Variants in GIPR observed in about 807,000 individuals in gnomAD.
GIPR encodes gastric inhibitory polypeptide receptor.
In GIPR, 74 loss-of-function variants were observed where a neutral mutation model predicts 62.2. That is an observed-to-expected ratio of 1.19 (90% CI 0.99 to 1.44). The LOEUF (loss-of-function observed/expected upper bound fraction) is 1.44. Among genes scored for constraint, GIPR ranks in the 40% most tolerant of loss-of-function variants. The pLI is 0.00. For synonymous variants in GIPR, 256 were observed against 262.2 expected (o/e 0.98, Z 0.23); for missense variants, 664 against 611.8 (o/e 1.09, Z -0.90).
Position 45,671,374 on chromosome 19 carries a change from C to A in GIPR, c.262C>A (p.Leu88Met). The A allele has an allele frequency of 6.2e-7, 1 of 1,608,436 alleles. No homozygotes were observed. Among genetic ancestry groups the A allele is most frequent in the Non-Finnish European group, 8.5e-7 (1 of 1,177,112 alleles). Residue 88 changes from leucine (L) to methionine (M), a missense_variant, in exon 4 of 14, where the codon CTG (leucine) becomes ATG (methionine). Transcript: ENST00000590918. ...TGCCCGTGCGTCCTGCCCCTGGTACCTGCCCTGGCACCACCATGGTGAGGT... is the reference window on the plus strand; with the variant it reads ...TGCCCGTGCGTCCTGCCCCTGGTACATGCCCTGGCACCACCATGGTGAGGT... ...ATARASCPWY[L>M]PWHHHVAAGF... is the part of the protein sequence containing the mutation.
intron 5 of GIPR, among the ~76,000 whole-genome samples, chr19:45,673,158 G>A (rs991971756): frequency 1.3e-5 from 2 of 152,156 alleles, no homozygotes; most frequent in South Asian, 2.1e-4. Context: ...TGTGGCTCAC[G>A]CCTGTAATCC....
chr19:45,674,995 G>A (rs1454663119), intron 7 of GIPR, 169 bp downstream of exon 7: 4 of 620,646 alleles, frequency 6.4e-6, no homozygotes, highest in South Asian at 3.4e-5. Flanking sequence ...TTTGGAGAGG[G>A]AACCTCCCAA....
At position 45,677,387 on chromosome 19, in the gene GIPR, A is replaced by C; in HGVS notation, c.854+4A>C. The C allele has an allele frequency of 9.9e-7, 1 of 1,007,026 alleles. No individual in the cohort carries two copies. 62.4% of individuals were successfully genotyped at this position (1,007,026 alleles called of 1,614,324 possible). A position where few individuals can be genotyped will look rare whatever the true frequency, so the allele number is the denominator to read the frequency against. ...GGTACCTGTACGAGAACACGCAGTG[A>C]GTTGCAGGGTCTGGGGCGGGGCGTG... On this transcript the variant is annotated splice_donor_region_variant and intron_variant, in intron 9 of 13. Transcript: ENST00000590918.
rs1026005777 is a variant in GIPR, at chr19:45,673,047, G to A, written c.384+93G>A. On this transcript the variant is annotated intron_variant, in intron 5 of 13. Coordinates refer to ENST00000590918, the MANE Select transcript of GIPR (RefSeq NM_000164.4). ...GGCCTGAAACCCCTTGGACTGTTCAGACCTCTGGGTTGTAAGTGAGAGAAA... is the reference window on the plus strand; with the variant it reads ...GGCCTGAAACCCCTTGGACTGTTCAAACCTCTGGGTTGTAAGTGAGAGAAA... 4 of 785,938 alleles carry A rather than the reference G, an allele frequency of 5.1e-6. No homozygotes were observed. In the African/African-American group the frequency reaches 5.1e-5, roughly 10 times the overall value. 48.7% of individuals were successfully genotyped at this position (785,938 alleles called of 1,614,324 possible). A position where few individuals can be genotyped will look rare whatever the true frequency, so the allele number is the denominator to read the frequency against.
rs1283579295 is a variant in GIPR at position 45,669,588 on chromosome 19, C to T, written c.68C>T (p.Ala23Val). Residue 23 changes from alanine (A) to valine (V), a missense_variant, in exon 2 of 14, where the codon GCG becomes GTG. Physicochemically the swap from Ala to Val is moderately conservative, Grantham distance 64. Transcript: ENST00000590918. The part of the protein sequence containing the change: ...LSLCGLLLQR[A>V]ETGSKGQTAG... Reference sequence around the variant, plus strand: ...CTGTGCGGGCTGCTGCTCCAGAGGGCGGAGGTGAGGAAGCGAGGAGCCAGA... The same window carrying T: ...CTGTGCGGGCTGCTGCTCCAGAGGGTGGAGGTGAGGAAGCGAGGAGCCAGA... 2 of 1,578,750 alleles carry T rather than the reference C, an allele frequency of 1.3e-6. No individual in the cohort carries two copies. The highest frequency in any genetic ancestry group is 1.7e-6 in the Non-Finnish European group (2 of 1,165,762).
Position 45,669,514 on chromosome 19 carries a change from C to A in GIPR, c.-7C>A. 6.4e-7 allele frequency: 1 copy of A among 1,571,558 alleles called. No homozygotes were observed. The highest frequency in any genetic ancestry group is 2.3e-5 in the East Asian group (1 of 43,352). On this transcript the variant is annotated 5_prime_UTR_variant, in exon 2 of 14. Coordinates refer to ENST00000590918, the MANE Select transcript of GIPR (RefSeq NM_000164.4). ...CTGCACGAACCAGACCCTTCGCCGC[C>A]CTCACGATGACTACCTCTCCGATCC...
chr19:45,669,839 C>T (rs1165511381), intron 2 of GIPR, among the ~76,000 whole-genome samples: 2 of 151,294 alleles, frequency 1.3e-5, no homozygotes, highest in African/African-American at 4.9e-5. Context: ...ATCCCAGCTA[C>T]TCGGAAGGCT....
intron 12 of GIPR, among the ~76,000 whole-genome samples, chr19:45,680,144 TGGAGGCCAA>T (rs1967150236): frequency 1.3e-5 from 2 of 152,136 alleles, no homozygotes; most frequent in Non-Finnish European, 2.9e-5. Flanking sequence ...CTCAGCACTT[TGGAGGCCAA>T]GGAGGCCAGT....
In GIPR at chr19:45,682,046, G is replaced by C; in HGVS notation, c.*111G>C. The stretch of plus-strand genomic sequence containing the variant: ...AAATGGTGAAGGAAACAGAAAAAAG[G>C]TCCCTGCCCTTCTGGAGATGACAAC... On this transcript the variant is annotated 3_prime_UTR_variant, in exon 14 of 14. Transcript: ENST00000590918. The C allele has an allele frequency of 2.1e-6, 2 of 930,374 alleles. No homozygotes were observed. Among genetic ancestry groups the C allele is most frequent in the Non-Finnish European group, 1.7e-6 (1 of 591,568 alleles). The allele number at this position is 930,374 out of a possible 1,614,324, so 57.6% of individuals were successfully genotyped here. A position where few individuals can be genotyped will look rare whatever the true frequency, so the allele number is the denominator to read the frequency against.
chr19:45,674,979 G>C, intron 7 of GIPR, 153 bp downstream of exon 7: 4 of 694,426 alleles, frequency 5.8e-6, no homozygotes, highest in Non-Finnish European at 7.6e-6. Flanking sequence ...GGGGGATCAA[G>C]ACACATTTGG....
intron 2 of GIPR, 72 bp downstream of exon 2, chr19:45,669,664 G>C: frequency 1.3e-6 from 2 of 1,525,754 alleles, no homozygotes; most frequent in Non-Finnish European, 1.8e-6. Context: ...GGCTTCCGTC[G>C]TCAGGGCGCT....
Position 45,681,965 on chromosome 19 carries a change from G to C in GIPR, c.*30G>C, listed in dbSNP as rs767170765. ...CGGGATCCCCGTGTCTGTTCAGTTAGCATGGATTTATTGAGTGCCAACTGC... is the reference window on the plus strand; with the variant it reads ...CGGGATCCCCGTGTCTGTTCAGTTACCATGGATTTATTGAGTGCCAACTGC... On this transcript the variant is annotated 3_prime_UTR_variant, in exon 14 of 14. Coordinates refer to ENST00000590918, the MANE Select transcript of GIPR (RefSeq NM_000164.4). 6.5e-7 allele frequency: 1 copy of C among 1,532,804 alleles called. No homozygotes were observed. Among genetic ancestry groups the C allele is most frequent in the South Asian group, 1.2e-5 (1 of 83,576 alleles). The allele number at this position is 1,532,804 out of a possible 1,614,324, so 95.0% of individuals were successfully genotyped here.
Position 45,671,304 on chromosome 19 carries a change from CT to C in GIPR, c.194del (p.Phe65SerfsTer90), listed in dbSNP as rs773119896. On this transcript the variant is annotated frameshift_variant, in exon 4 of 14. Coordinates refer to ENST00000590918, the MANE Select transcript of GIPR (RefSeq NM_000164.4). LOFTEE classifies it high-confidence loss of function. ...PPSGLACNGS[F>X]DMYVCWDYAA... is the part of the protein sequence containing the mutation. ...CCCCAGGCCTCGCCTGTAACGGGTCCTTCGATATGTACGTCTGCTGGGACTA... is the reference window on the plus strand; with the variant it reads ...CCCCAGGCCTCGCCTGTAACGGGTCCTCGATATGTACGTCTGCTGGGACTA... The C allele has an allele frequency of 6.2e-7, 1 of 1,612,198 alleles. No homozygotes were observed. The highest frequency in any genetic ancestry group is 8.5e-7 in the Non-Finnish European group (1 of 1,179,296).
Position 45,677,001 on chromosome 19 carries a change from C to T in GIPR, c.686C>T (p.Ala229Val), listed in dbSNP as rs755265643. The change falls in exon 8 of 14, where the codon GCC (alanine) becomes GTC (valine). Residue 229 changes from alanine (A) to valine (V), a missense_variant. Transcript: ENST00000590918. The stretch of plus-strand genomic sequence containing the variant: ...ATCGTGACCCAGTACTGCGTGGGTG[C>T]CAACTACACGTGGCTGCTGGTGGAG... The part of the protein sequence containing the change: ...AQIVTQYCVG[A>V]NYTWLLVEGV... The T allele has an allele frequency of 1.2e-6, 2 of 1,613,970 alleles. No homozygotes were observed. The highest frequency in any genetic ancestry group is 1.7e-6 in the Non-Finnish European group (2 of 1,179,878).
chr19:45,680,298 G>C (rs1967161042), intron 12 of GIPR, among the ~76,000 whole-genome samples: 1 of 151,834 alleles, frequency 6.6e-6, no homozygotes, highest in African/African-American at 2.4e-5. Context: ...GGAGGCAGAG[G>C]TTGCACTGAG....
In GIPR at chr19:45,676,978, C is replaced by A. The variant is rs534452890; in HGVS notation, c.663C>A (p.Ile221=). The change falls in exon 8 of 14, where the codon ATC becomes ATA. Residue 221 remains isoleucine (I), a synonymous_variant. Coordinates refer to ENST00000590918, the MANE Select transcript of GIPR (RefSeq NM_000164.4). The part of the protein sequence containing the change: ...QALAACRTAQ[I]VTQYCVGANY... ...TCGCTGCCTGCCGCACGGCCCAGAT[C>A]GTGACCCAGTACTGCGTGGGTGCCA... The A allele has an allele frequency of 8.7e-6, 14 of 1,614,108 alleles. 1 individual carries two copies. The South Asian group carries it at 1.4e-4, about 16-fold the overall frequency.
At chr19:45,677,276 G>T (rs1479953006) in intron 8 of GIPR, 47 bp from the exon 9 acceptor site, 1 of 1,421,166 alleles carries the variant, frequency 7.0e-7, no homozygotes, top group South Asian at 1.2e-5. Context: ...CCGTGAGCGC[G>T]CTGACAGCTG....
In GIPR at chr19:45,677,323, G is replaced by C; in HGVS notation, c.794G>C (p.Gly265Ala). ...GGGGGCGGGGTCGGGGTCTGCACAGGGGCCCCCGCGCTTTTCGTCATTCCC... is the reference window on the plus strand; with the variant it reads ...GGGGGCGGGGTCGGGGTCTGCACAGCGGCCCCCGCGCTTTTCGTCATTCCC... ...HFRYYLLLGW[G>A]APALFVIPWV... The change falls in exon 9 of 14, where the codon GGG becomes GCG. Residue 265 changes from glycine to alanine, a missense_variant and splice_region_variant. By Grantham distance (60) the Gly-to-Ala change is moderately conservative. Transcript: ENST00000590918. The C allele has an allele frequency of 1.3e-6, 2 of 1,581,482 alleles. No individual in the cohort carries two copies. Among genetic ancestry groups the C allele is most frequent in the East Asian group, 2.3e-5 (1 of 44,188 alleles).
intron 4 of GIPR, 171 bp from the exon 5 acceptor site, chr19:45,672,680 A>T: frequency 1.6e-6 from 1 of 636,906 alleles, no homozygotes; most frequent in Non-Finnish European, 2.9e-6. Flanking sequence ...GCTAGTATGA[A>T]TATTAAATTA....
Sources: allele counts gnomAD v4.1 joint callset (sites outside exome capture counted in the v4.1 genomes callset), GRCh38; gene constraint gnomAD v4.1.1; transcripts MANE v1.5; gene names NCBI Gene and HGNC (gene_info 2026-07-23, HGNC 2026-07-21).